FLT3: variants seen among roughly 807,000 people sequenced by gnomAD.
FLT3 encodes fms related receptor tyrosine kinase 3.
Under a neutral mutation model 126.6 loss-of-function variants are expected in FLT3, and 46 were observed. That is an observed-to-expected ratio of 0.36 (90% CI 0.29 to 0.46). The LOEUF (loss-of-function observed/expected upper bound fraction) is 0.46, where lower values mean the gene tolerates loss of function less well. Among genes scored for constraint, FLT3 ranks in the 20% least tolerant of loss-of-function variants. The pLI is 1.00. For synonymous variants in FLT3, 404 were observed against 434.4 expected (o/e 0.93, Z 0.87); for missense variants, 1,069 against 1,190.3 (o/e 0.90, Z 1.50).
rs750088860 is a variant in FLT3, at chr13:28,057,369, T to C, written c.462A>G (p.Ile154Met). ...TACTTCTTATACTCACTGTAAACAA[T>C]ATTGTGTAATTGGTAGCTTCACTCT... Reference protein sequence around the residue: ...FIQSEATNYTILFTVSIRNTL... With the variant: ...FIQSEATNYTMLFTVSIRNTL... Residue 154 changes from isoleucine to methionine, a missense_variant, in exon 4 of 24, where the codon ATA becomes ATG. Physicochemically the swap from Ile to Met is conservative, Grantham distance 10. Coordinates refer to ENST00000241453, the MANE Select transcript of FLT3 (RefSeq NM_004119.3). 1.4e-5 allele frequency: 20 copies of C among 1,479,244 alleles called. No homozygotes were observed. Among genetic ancestry groups the C allele is most frequent in the Non-Finnish European group, 1.8e-5 (19 of 1,056,788 alleles). 91.6% of individuals were successfully genotyped at this position (1,479,244 alleles called of 1,614,324 possible).
intron 20 of FLT3, among the ~76,000 whole-genome samples, chr13:28,017,291 C>G (rs188415892): frequency 1.4e-4 from 22 of 152,190 alleles, no homozygotes; most frequent in Admixed American, 1.4e-3. Flanking sequence ...GGCGTGATCA[C>G]AGCTCACTGC....
intron 1 of FLT3, chr13:28,073,413 A>G: frequency 4.5e-6 from 2 of 446,182 alleles, no homozygotes; most frequent in South Asian, 1.7e-5. Flanking sequence ...TAGCGACAGG[A>G]GGTAATATAT....
chr13:28,084,150 T>A (rs1479139001), intron 1 of FLT3, among the ~76,000 whole-genome samples: 3 of 151,716 alleles, frequency 2.0e-5, no homozygotes, highest in African/African-American at 7.3e-5. Flanking sequence ...GGCCACCACG[T>A]CTCCCTAATT....
intron 1 of FLT3, among the ~76,000 whole-genome samples, chr13:28,091,148 G>C (rs1481830003): frequency 7.3e-6 from 1 of 136,134 alleles, no homozygotes; most frequent in African/African-American, 2.7e-5. Context: ...TCTTCTGAAA[G>C]TTATCAGCTT....
rs1872504873 is a variant in FLT3, at chr13:28,022,714, A to G, written c.2418+636T>C. Among the ~76,000 whole-genome samples the G allele has an allele frequency of 4.6e-5, 7 of 152,288 alleles. No individual in the cohort carries two copies. The South Asian group carries it at 1.5e-3, about 32-fold the overall frequency. ...AGGCAAGCAAACGAGGAAGGAAGGT[A>G]GCCAGAGAGTGGGCTATGATCTGCT... On this transcript the variant is annotated intron_variant, in intron 19 of 23. Coordinates refer to ENST00000241453, the MANE Select transcript of FLT3 (RefSeq NM_004119.3).
chr13:28,071,044 G>T (rs1877467718), intron 1 of FLT3, among the ~76,000 whole-genome samples: 1 of 139,184 alleles, frequency 7.2e-6, no homozygotes. Flanking sequence ...GCCCAGGCTG[G>T]AGTGCAGTGG....
At chr13:28,065,645 GTAATAATAATAA>G (rs35748326) in intron 2 of FLT3, among the ~76,000 whole-genome samples, 1,490 of 108,000 alleles carry the variant, frequency 0.014, 202 homozygotes, top group Middle Eastern at 0.057. Flanking sequence ...TTGTCTCAAA[GTAATAATAATAA>G]TAATAATAAT....
chr13:28,011,011 A>G (rs908688643), intron 23 of FLT3, among the ~76,000 whole-genome samples: 1 of 149,852 alleles, frequency 6.7e-6, no homozygotes, highest in Non-Finnish European at 1.5e-5. Flanking sequence ...TAAAAAAAAT[A>G]AATTAAAAAG....
chr13:28,052,290 T>C (rs1593264854), intron 5 of FLT3, among the ~76,000 whole-genome samples: 1 of 151,718 alleles, frequency 6.6e-6, no homozygotes, highest in East Asian at 1.9e-4. Flanking sequence ...GAGATGGGGT[T>C]TCACCATGTT....
chr13:28,099,773 A>G (rs1270468464), intron 1 of FLT3, among the ~76,000 whole-genome samples: 1 of 152,228 alleles, frequency 6.6e-6, no homozygotes, highest in Non-Finnish European at 1.5e-5. Flanking sequence ...CTTTGGGGAC[A>G]GTCCTCGGAG....
At chr13:28,082,009 T>A (rs543582257) in intron 1 of FLT3, among the ~76,000 whole-genome samples, 49 of 151,606 alleles carry the variant, frequency 3.2e-4, no homozygotes, top group African/African-American at 1.2e-3. Context: ...GTGCCCACCA[T>A]CATGCCCGGC....
At chr13:28,064,053 C>T (rs1876799739) in intron 2 of FLT3, among the ~76,000 whole-genome samples, 1 of 152,134 alleles carries the variant, frequency 6.6e-6, no homozygotes, top group Non-Finnish European at 1.5e-5. Context: ...GGAAGGATCA[C>T]TTGAGCCCAG....
intron 18 of FLT3, 68 bp from the exon 19 acceptor site, chr13:28,023,545 G>GAA (rs1166930261): frequency 6.4e-7 from 1 of 1,570,190 alleles, no homozygotes. Context: ...ATCTCTATGG[G>GAA]AAGGTTATTC....
chr13:28,078,717 T>TTTC (rs199801107), intron 1 of FLT3, among the ~76,000 whole-genome samples: 125 of 61,330 alleles, frequency 2.0e-3, no homozygotes, highest in East Asian at 0.016. Flanking sequence ...TTTCTTTTCT[T>TTTC]TTTTTTTTTT....
intron 9 of FLT3, among the ~76,000 whole-genome samples, chr13:28,042,512 G>A (rs75795767): frequency 7.6e-6 from 1 of 132,314 alleles, no homozygotes; most frequent in Admixed American, 7.7e-5. Flanking sequence ...TTCAGAAAAA[G>A]AAGGAATAAA....
At chr13:28,087,505 T>G (rs1878753935) in intron 1 of FLT3, among the ~76,000 whole-genome samples, 1 of 152,246 alleles carries the variant, frequency 6.6e-6, no homozygotes, top group South Asian at 2.1e-4. Context: ...CTTTTGTAGT[T>G]GTCATAAGTC....
intron 1 of FLT3, among the ~76,000 whole-genome samples, chr13:28,093,556 G>T (rs1253253291): frequency 1.3e-5 from 2 of 152,084 alleles, no homozygotes; most frequent in Non-Finnish European, 2.9e-5. Flanking sequence ...CTTATACATT[G>T]TGTCACAACA....
chr13:28,017,471 C>T (rs958929262), intron 20 of FLT3, among the ~76,000 whole-genome samples: 2 of 152,188 alleles, frequency 1.3e-5, no homozygotes, highest in Non-Finnish European at 2.9e-5. Context: ...GCAATTCTCC[C>T]ACCTTGGCCT....
intron 1 of FLT3, among the ~76,000 whole-genome samples, chr13:28,093,117 G>A (rs1443037460): frequency 6.6e-6 from 1 of 151,642 alleles, no homozygotes; most frequent in African/African-American, 2.4e-5. Context: ...ATAGAAATGG[G>A]GTTTTGCCAT....
Sources: allele counts gnomAD v4.1 joint callset (sites outside exome capture counted in the v4.1 genomes callset), GRCh38; gene constraint gnomAD v4.1.1; transcripts MANE v1.5; gene names NCBI Gene and HGNC (gene_info 2026-07-23, HGNC 2026-07-21).